The following DNAJB4 variants were observed in gnomAD, a reference collection of about 807,000 sequenced individuals.
The protein encoded by DNAJB4 is DnaJ heat shock protein family (Hsp40) member B4.
In DNAJB4, 10 loss-of-function variants were observed where a neutral mutation model predicts 26.6. The observed-to-expected ratio is 0.38, with a 90% CI of 0.23 to 0.64. DNAJB4 has a LOEUF of 0.64. Ranked by LOEUF, DNAJB4 falls within the 30% of genes least tolerant of loss-of-function variation. The pLI, the probability that DNAJB4 is intolerant of heterozygous loss-of-function variation, is 0.58. For missense variants in DNAJB4, 328 were observed against 408.2 expected (o/e 0.80, Z 1.69); for synonymous variants, 136 against 134.8 (o/e 1.01, Z -0.06).
chr1:78,006,565 A>G (rs1660334761), intron 1 of DNAJB4, among the ~76,000 whole-genome samples: 1 of 152,340 alleles, frequency 6.6e-6, no homozygotes, highest in African/African-American at 2.4e-5. Context: ...GTGATTGTAT[A>G]TAGAGGGTTT....
At chr1:78,009,850 T>C (rs1032009398) in intron 1 of DNAJB4, among the ~76,000 whole-genome samples, 4 of 152,300 alleles carry the variant, frequency 2.6e-5, no homozygotes, top group Middle Eastern at 3.4e-3. Flanking sequence ...GATCTCGAAC[T>C]CCAGACCTCA....
At chr1:77,986,933 C>G (rs1422087599) in intron 1 of DNAJB4, among the ~76,000 whole-genome samples, 1 of 152,106 alleles carries the variant, frequency 6.6e-6, no homozygotes. Context: ...ATGGTTGCCA[C>G]AGTTCCAGGT....
At chr1:78,012,012 T>C (rs1041506181) in intron 1 of DNAJB4, among the ~76,000 whole-genome samples, 9 of 149,174 alleles carry the variant, frequency 6.0e-5, no homozygotes, top group Non-Finnish European at 1.5e-5. Flanking sequence ...TTCTGCACTT[T>C]GTGTTGATTG....
At chr1:78,007,811 T>C (rs1660370421) in intron 1 of DNAJB4, among the ~76,000 whole-genome samples, 1 of 152,154 alleles carries the variant, frequency 6.6e-6, no homozygotes, top group African/African-American at 2.4e-5. Context: ...GTGTCTCCAG[T>C]AGTAACAAAA....
At chr1:77,979,192 G>C (rs998226286), upstream of DNAJB4, 4 of 599,296 alleles carry the variant, frequency 6.7e-6, no homozygotes, top group Non-Finnish European at 8.7e-6. Context: ...TGTGGGTTAG[G>C]GCTGAGAAAG....
At chr1:78,003,918 A>G (rs573531250), upstream of DNAJB4, among the ~76,000 whole-genome samples, 52 of 152,248 alleles carry the variant, frequency 3.4e-4, no homozygotes, top group Non-Finnish European at 6.0e-4. Flanking sequence ...AAATGATATT[A>G]TAGGGAGATT....
In DNAJB4 at chr1:78,016,292, A is replaced by G; in HGVS notation, c.*45A>G. ...CATATTTTGATAAGGCACTGAAAAT[A>G]TAAAAGGACTGGTAGTTTACTGATG... On this transcript the variant is annotated 3_prime_UTR_variant, in exon 3 of 3. Coordinates refer to ENST00000370763, the MANE Select transcript of DNAJB4 (RefSeq NM_007034.5). The G allele has an allele frequency of 1.3e-6, 2 of 1,502,722 alleles. No homozygotes were observed. The highest frequency in any genetic ancestry group is 1.8e-6 in the Non-Finnish European group (2 of 1,087,850). 93.1% of individuals were successfully genotyped at this position (1,502,722 alleles called of 1,614,324 possible). A position where few individuals can be genotyped will look rare whatever the true frequency, so the allele number is the denominator to read the frequency against.
intron 1 of DNAJB4, among the ~76,000 whole-genome samples, chr1:77,998,694 G>A (rs1660122170): frequency 1.3e-5 from 2 of 151,944 alleles, no homozygotes; most frequent in African/African-American, 2.4e-5. Flanking sequence ...AGAAAAATTA[G>A]CCAGGCATGG....
At chr1:77,979,845 A>G (rs1202563250), upstream of DNAJB4, among the ~76,000 whole-genome samples, 5 of 151,922 alleles carry the variant, frequency 3.3e-5, no homozygotes, top group African/African-American at 9.7e-5. Flanking sequence ...ATAACCTAGT[A>G]TATGTATGTG....
At chr1:77,980,808 A>C (rs1481599517) in intron 1 of DNAJB4, among the ~76,000 whole-genome samples, 3 of 152,180 alleles carry the variant, frequency 2.0e-5, no homozygotes, top group Non-Finnish European at 4.4e-5. Flanking sequence ...ATCAGCTTTT[A>C]AGGCAGTAGT....
intron 1 of DNAJB4, among the ~76,000 whole-genome samples, chr1:78,006,613 G>A (rs1239185266): frequency 6.6e-6 from 1 of 152,114 alleles, no homozygotes; most frequent in Non-Finnish European, 1.5e-5. Flanking sequence ...TGGTCTATGA[G>A]TTGCCCAAAA....
At chr1:77,995,443 T>C (rs1401852886) in intron 1 of DNAJB4, among the ~76,000 whole-genome samples, 1 of 152,178 alleles carries the variant, frequency 6.6e-6, no homozygotes, top group Non-Finnish European at 1.5e-5. Context: ...TTAAAATTTT[T>C]TGGCTAATAC....
intron 1 of DNAJB4, among the ~76,000 whole-genome samples, chr1:78,010,772 T>A (rs147073964): frequency 1.6e-3 from 242 of 152,322 alleles, no homozygotes; most frequent in Non-Finnish European, 2.2e-3. Flanking sequence ...AATTGTTAAA[T>A]CTCTCATATA....
rs1571440471 is a variant in DNAJB4, at chr1:78,005,014, C to T, written c.-97C>T. On this transcript the variant is annotated 5_prime_UTR_variant, in exon 1 of 3. Coordinates refer to ENST00000370763, the MANE Select transcript of DNAJB4 (RefSeq NM_007034.5). ...GAATTGCTGATTAACTTTTAAAATA[C>T]CCAGCTTGGTTTATTTTTCTTAGAA... The T allele has an allele frequency of 7.9e-7, 1 of 1,258,076 alleles. No homozygotes were observed. Among genetic ancestry groups the T allele is most frequent in the East Asian group, 2.3e-5 (1 of 43,170 alleles). The allele number at this position is 1,258,076 out of a possible 1,614,324, so 77.9% of individuals were successfully genotyped here.
chr1:78,008,358 G>A (rs111497278), intron 1 of DNAJB4, among the ~76,000 whole-genome samples: 9 of 152,118 alleles, frequency 5.9e-5, no homozygotes, highest in Admixed American at 3.9e-4. Context: ...CCATAAATTG[G>A]TGAATTAAAC....
chr1:77,999,883 T>C (rs1277733766), intron 1 of DNAJB4, among the ~76,000 whole-genome samples: 2 of 152,184 alleles, frequency 1.3e-5, no homozygotes, highest in African/African-American at 4.8e-5. Context: ...AAATAATGGT[T>C]TCCCCTAGAT....
At chr1:78,000,932 G>A (rs1158339899), upstream of DNAJB4, among the ~76,000 whole-genome samples, 1 of 152,050 alleles carries the variant, frequency 6.6e-6, no homozygotes, top group African/African-American at 2.4e-5. Context: ...GCAGTGAGCC[G>A]AGATTGTGCC....
intron 1 of DNAJB4, among the ~76,000 whole-genome samples, chr1:77,983,154 C>A (rs918387339): frequency 6.6e-6 from 1 of 152,314 alleles, no homozygotes; most frequent in East Asian, 1.9e-4. Flanking sequence ...GCATCATAGA[C>A]AAGGTAAAGG....
intron 1 of DNAJB4, among the ~76,000 whole-genome samples, chr1:77,982,566 G>GGCCGAA (rs2102583603): frequency 2.2e-4 from 1 of 4,540 alleles, no homozygotes; most frequent in South Asian, 5.7e-3. Context: ...CTCATGCCGA[G>GGCCGAA]GCGGGTGGAT....
Sources: gnomAD v4.1 joint callset for allele counts (sites outside exome capture counted in the v4.1 genomes callset) on GRCh38, gnomAD v4.1.1 for gene constraint, MANE v1.5 for transcripts, NCBI Gene and HGNC (gene_info 2026-07-23, HGNC 2026-07-21) for gene names.